The following ADPRHL1 variants were observed in gnomAD, a reference collection of about 807,000 sequenced individuals.
ADPRHL1 encodes inactive ADP-ribosyltransferase ARH2.
In ADPRHL1, 43 loss-of-function variants were observed where a neutral mutation model predicts 44.1. That is an observed-to-expected ratio of 0.98 (90% CI 0.76 to 1.26). The LOEUF (loss-of-function observed/expected upper bound fraction) is 1.26. ADPRHL1 is among the 50% of genes most tolerant of loss of function. The pLI, the probability that ADPRHL1 is intolerant of heterozygous loss-of-function variation, is 0.00. For missense variants in ADPRHL1, 2,022 were observed against 2,496.9 expected (o/e 0.81, Z 4.05); for synonymous variants, 878 against 1,017.4 (o/e 0.86, Z 2.61).
chr13:113,433,338 G>A (rs1240523524), intron 3 of ADPRHL1, among the ~76,000 whole-genome samples: 1 of 152,144 alleles, frequency 6.6e-6, no homozygotes, highest in Non-Finnish European at 1.5e-5. Flanking sequence ...CTGCACCCAG[G>A]CACTGGTGCG....
In ADPRHL1 at chr13:113,403,643, C is replaced by T. The variant is rs1011905324; in HGVS notation, c.5639G>A (p.Gly1880Glu). The change falls in exon 8 of 8, where the codon GGG (glycine) becomes GAG (glutamate). Residue 1880 changes from glycine (G) to glutamate (E), a missense_variant. By Grantham distance (98) the Gly-to-Glu change is moderately conservative. This residue lies in a region of ADPRHL1 where 205 missense variants were observed against 250.1 expected (regional missense o/e 0.82). Coordinates refer to ENST00000612156, the MANE Select transcript of ADPRHL1 (RefSeq NM_001394807.1). The stretch of plus-strand genomic sequence containing the variant: ...GGGCTCAGTTGGGCTCTTTCCCAGC[C>T]CCAGGGGAGAGGTGGCAATGCTCTT... Reference protein sequence around the residue: ...RGKSIATSPLGLGKSPTEPKP... With the variant: ...RGKSIATSPLELGKSPTEPKP... 8.1e-7 allele frequency: 1 copy of T among 1,231,600 alleles called. No individual in the cohort carries two copies. The highest frequency in any genetic ancestry group is 1.6e-5 in the African/African-American group (1 of 64,364). The allele number at this position is 1,231,600 out of a possible 1,614,324, so 76.3% of individuals were successfully genotyped here. A position where few individuals can be genotyped will look rare whatever the true frequency, so the allele number is the denominator to read the frequency against.
intron 3 of ADPRHL1, 27 bp from the exon 4 acceptor site, chr13:113,429,119 C>T (rs756057986): frequency 1.9e-6 from 3 of 1,596,844 alleles, no homozygotes; most frequent in South Asian, 1.1e-5. Flanking sequence ...AGAGAGGGGG[C>T]ACCATCACCT....
rs1278865753 is a variant in ADPRHL1 at position 113,433,811 on chromosome 13, G to A, written c.436C>T (p.Pro146Ser). The A allele has an allele frequency of 1.3e-6, 2 of 1,584,682 alleles. No individual in the cohort carries two copies. Among genetic ancestry groups the A allele is most frequent in the Non-Finnish European group, 1.7e-6 (2 of 1,166,210 alleles). Residue 146 changes from proline (P) to serine (S), a missense_variant, in exon 3 of 8, where the codon CCT becomes TCT. Pro to Ser is a moderately conservative substitution (Grantham distance 74). This residue lies in a region of ADPRHL1 where 437 missense variants were observed against 430.7 expected (regional missense o/e 1.01). Transcript: ENST00000612156. ...AMCIGLRYWK[P>S]ERLETLIEVS... ...TCGATGAGGGTCTCCAGCCGCTCAGGCTTCCAGTACCGCAGGCCGATGCAC... is the reference window on the plus strand; with the variant it reads ...TCGATGAGGGTCTCCAGCCGCTCAGACTTCCAGTACCGCAGGCCGATGCAC...
At chr13:113,431,289 G>C (rs552266539) in intron 3 of ADPRHL1, among the ~76,000 whole-genome samples, 1 of 152,222 alleles carries the variant, frequency 6.6e-6, no homozygotes, top group Non-Finnish European at 1.5e-5. Flanking sequence ...CAACACGGCC[G>C]CTACATGGAG....
chr13:113,414,953 A>G (rs145870089), intron 7 of ADPRHL1, among the ~76,000 whole-genome samples: 3,446 of 152,204 alleles, frequency 0.023, 121 homozygotes, highest in African/African-American at 0.076. Flanking sequence ...GATTACAGGC[A>G]TGAGCCACCA....
At chr13:113,418,990 C>CCCTCCCTTCCTT (rs2043900151) in intron 7 of ADPRHL1, among the ~76,000 whole-genome samples, 2 of 147,560 alleles carry the variant, frequency 1.4e-5, no homozygotes, top group East Asian at 2.0e-4. Flanking sequence ...TTCCCTCCCT[C>CCCTCCCTTCCTT]CCTCCCTCCC....
chr13:113,415,260 G>A (rs2043881341), intron 7 of ADPRHL1, among the ~76,000 whole-genome samples: 1 of 152,200 alleles, frequency 6.6e-6, no homozygotes, highest in African/African-American at 2.4e-5. Flanking sequence ...GGTGGGGCAG[G>A]GTGAGAAACG....
At position 113,404,404 on chromosome 13, in the gene ADPRHL1, T is replaced by C; in HGVS notation, c.4878A>G (p.Lys1626=). ...AQWQTQIKAQ[K]WAQEQTQKGA... ...CTTTCTGGGTCTGTTCCTGAGCCCA[T>C]TTCTGGGCCTTTATCTGGGTCTGCC... Residue 1626 remains lysine (K), a synonymous_variant, in exon 8 of 8, where the codon AAA becomes AAG. Transcript: ENST00000612156. The C allele has an allele frequency of 3.8e-6, 5 of 1,323,328 alleles. No individual in the cohort carries two copies. Among genetic ancestry groups the C allele is most frequent in the Non-Finnish European group, 4.8e-6 (5 of 1,044,320 alleles). 82.0% of individuals were successfully genotyped at this position (1,323,328 alleles called of 1,614,324 possible).
chr13:113,405,813 C>T lies in ADPRHL1; in HGVS notation c.3469G>A (p.Glu1157Lys), dbSNP rs548005692. 242 of 1,231,806 alleles carry T rather than the reference C, an allele frequency of 2.0e-4. 1 individual carries two copies. Among genetic ancestry groups the T allele is most frequent in the South Asian group, 3.3e-4 (8 of 24,316 alleles). The allele number at this position is 1,231,806 out of a possible 1,614,324, so 76.3% of individuals were successfully genotyped here. Residue 1157 changes from glutamate to lysine, a missense_variant, in exon 8 of 8, where the codon GAA becomes AAA. Physicochemically the swap from Glu to Lys is moderately conservative, Grantham distance 56 (BLOSUM62 1). Around this residue, in one of 8 missense-constraint regions of ADPRHL1, gnomAD observed 1,221 missense variants for 1,517.8 expected, o/e 0.80. Transcript: ENST00000612156. ...LGQWGSRALS[E>K]SHPRGEALPR... ...AGAGCCTCTCCTCTGGGGTGGCTTTCGGACAAGGCTCTGCTTCCCCACTGG... is the reference window on the plus strand; with the variant it reads ...AGAGCCTCTCCTCTGGGGTGGCTTTTGGACAAGGCTCTGCTTCCCCACTGG...
At chr13:113,450,957 C>T (rs909209626) in intron 1 of ADPRHL1, among the ~76,000 whole-genome samples, 161 of 151,598 alleles carry the variant, frequency 1.1e-3, no homozygotes, top group African/African-American at 3.8e-3. Context: ...GGGAGACCCC[C>T]CCCCCCTTCC....
rs540417352 is a variant in ADPRHL1, at chr13:113,430,746, G to A, written c.506-1654C>T. Among the ~76,000 whole-genome samples, 380 of 151,804 alleles carry A rather than the reference G, an allele frequency of 2.5e-3. 1 individual carries two copies. The highest frequency in any genetic ancestry group is 8.7e-3 in the African/African-American group (360 of 41,498). ...CGGGGGTGGCAGTGGCACCAGTGGCGGGGGTGGCAGTGGCACTAGTGGTGG... is the reference window on the plus strand; with the variant it reads ...CGGGGGTGGCAGTGGCACCAGTGGCAGGGGTGGCAGTGGCACTAGTGGTGG... On this transcript the variant is annotated intron_variant, in intron 3 of 7. Transcript: ENST00000612156.
rs1375962022 is a variant in ADPRHL1 at position 113,422,742 on chromosome 13, C to T, written c.1061+84G>A. 3.2e-6 allele frequency: 5 copies of T among 1,560,842 alleles called. No homozygotes were observed. In the African/African-American group the frequency reaches 6.9e-5, roughly 21 times the overall value. On this transcript the variant is annotated intron_variant, in intron 7 of 7. Coordinates refer to ENST00000612156, the MANE Select transcript of ADPRHL1 (RefSeq NM_001394807.1). ...CCGCAGTGGAGCCTCACAGAGACAC[C>T]CTCACCCAGGGGCTGCGAGAGGGCC...
chr13:113,403,607 G>C lies in ADPRHL1; in HGVS notation c.5675C>G (p.Ala1892Gly). ...GKSPTEPKPE[A>G]GGCGTPQAPA... ...GGCCTGGGGAGTCCCGCAGCCCCCA[G>C]CCTCAGGCTTGGGCTCAGTTGGGCT... is the stretch of plus-strand genomic sequence containing the variant. The change falls in exon 8 of 8, where the codon GCT becomes GGT. Residue 1892 changes from alanine (A) to glycine (G), a missense_variant. Transcript: ENST00000612156. 8.1e-7 allele frequency: 1 copy of C among 1,231,638 alleles called. No individual in the cohort carries two copies. Among genetic ancestry groups the C allele is most frequent in the Non-Finnish European group, 1.0e-6 (1 of 987,948 alleles). The allele number at this position is 1,231,638 out of a possible 1,614,324, so 76.3% of individuals were successfully genotyped here. A position where few individuals can be genotyped will look rare whatever the true frequency, so the allele number is the denominator to read the frequency against.
chr13:113,444,330 C>T, intron 2 of ADPRHL1, 95 bp downstream of exon 2: 1 of 1,508,162 alleles, frequency 6.6e-7, no homozygotes, highest in African/African-American at 1.4e-5. Context: ...ACTGAAGCCA[C>T]CTGGAGATGC....
chr13:113,433,650 GC>G, intron 3 of ADPRHL1, 91 bp downstream of exon 3: 22 of 1,333,972 alleles, frequency 1.6e-5, no homozygotes, highest in South Asian at 5.9e-5. Flanking sequence ...CCAGGCCCCC[GC>G]CCCCCACCCC....
At chr13:113,418,555 C>A (rs990213903) in intron 7 of ADPRHL1, among the ~76,000 whole-genome samples, 1 of 152,194 alleles carries the variant, frequency 6.6e-6, no homozygotes, top group East Asian at 1.9e-4. Context: ...TCTAAATCAG[C>A]CTGAAGTCTA....
intron 4 of ADPRHL1, among the ~76,000 whole-genome samples, chr13:113,428,312 A>C (rs1293276298): frequency 6.6e-6 from 1 of 151,676 alleles, no homozygotes; most frequent in Non-Finnish European, 1.5e-5. Context: ...ACCTGATCCT[A>C]CATTCAAATC....
chr13:113,427,992 G>A (rs944512335), intron 4 of ADPRHL1, among the ~76,000 whole-genome samples: 1 of 152,252 alleles, frequency 6.6e-6, no homozygotes. Flanking sequence ...CAGACCAGGC[G>A]AGGTGGCTCA....
intron 7 of ADPRHL1, among the ~76,000 whole-genome samples, chr13:113,415,039 G>GCCC (rs1328659252): frequency 2.0e-5 from 3 of 152,176 alleles, no homozygotes; most frequent in Admixed American, 6.5e-5. Flanking sequence ...GAAGATCAGG[G>GCCC]AGGGCGACAC....
Sources: allele counts gnomAD v4.1 joint callset (sites outside exome capture counted in the v4.1 genomes callset), GRCh38; gene constraint gnomAD v4.1.1; regional missense constraint gnomAD v4.1.1; transcripts MANE v1.5; gene names NCBI Gene and HGNC (gene_info 2026-07-23, HGNC 2026-07-21).